ADGRD1: variants seen among roughly 807,000 people sequenced by gnomAD.
The protein encoded by ADGRD1 is G-protein coupled receptor 133.
ADGRD1 carries 77 observed loss-of-function variants against 113.4 expected under a neutral mutation model. The observed-to-expected ratio is 0.68, with a 90% CI of 0.57 to 0.82. The LOEUF (loss-of-function observed/expected upper bound fraction) is 0.82. Ranked by LOEUF, ADGRD1 falls within the 40% of genes least tolerant of loss-of-function variation. The probability of loss-of-function intolerance (pLI) is 0.00; values close to 1 mark genes in which losing one functional copy is unlikely to be tolerated. For synonymous variants in ADGRD1, 474 were observed against 475.0 expected (o/e 1.00, Z 0.03); for missense variants, 1,036 against 1,139.1 (o/e 0.91, Z 1.30).
At chr12:131,078,901 A>G (rs1885853566) in intron 14 of ADGRD1, among the ~76,000 whole-genome samples, 1 of 152,136 alleles carries the variant, frequency 6.6e-6, no homozygotes, top group Admixed American at 6.5e-5. Context: ...AGATGATTGT[A>G]CAGTTCTGTG....
intron 18 of ADGRD1, among the ~76,000 whole-genome samples, chr12:131,115,413 G>A (rs1304877926): frequency 6.6e-6 from 1 of 152,186 alleles, no homozygotes; most frequent in East Asian, 1.9e-4. Flanking sequence ...CCCTGTGCCC[G>A]CGTGTGGGGC....
chr12:130,990,654 T>C (rs1874264626), intron 6 of ADGRD1: 2 of 198,756 alleles, frequency 1.0e-5, no homozygotes, highest in South Asian at 1.6e-4. Context: ...GTAGCACTCC[T>C]CATTTTATCT....
At chr12:131,007,641 C>T (rs1291580754) in intron 12 of ADGRD1, among the ~76,000 whole-genome samples, 1 of 152,248 alleles carries the variant, frequency 6.6e-6, no homozygotes, top group African/African-American at 2.4e-5. Flanking sequence ...GCAGCTAACT[C>T]TGACGTCCCC....
rs1340295577 is a variant in ADGRD1 at position 131,039,182 on chromosome 12, T to C, written c.1473+24842T>C. The stretch of plus-strand genomic sequence containing the variant: ...GACGGTGCGGAGAGTCCTGTGCTCC[T>C]CCAGCCACTGCCCACTGAGCCGGGA... On this transcript the variant is annotated intron_variant, in intron 13 of 24. Transcript: ENST00000261654. 3.5e-5 allele frequency among the ~76,000 whole-genome samples: 4 copies of C among 113,310 alleles called. No homozygotes were observed. In the East Asian group the frequency reaches 7.8e-4, roughly 22 times the overall value. The allele number at this position is 113,310 out of a possible 152,430, so 74.3% of individuals were successfully genotyped here.
At chr12:131,070,789 GA>G in intron 13 of ADGRD1, 1 of 518,840 alleles carries the variant, frequency 1.9e-6, no homozygotes, top group Non-Finnish European at 3.8e-6. Flanking sequence ...TTGGACTGTG[GA>G]GTACATGTGA....
intron 13 of ADGRD1, among the ~76,000 whole-genome samples, chr12:131,058,731 A>G (rs1884079757): frequency 6.6e-6 from 1 of 152,138 alleles, no homozygotes; most frequent in African/African-American, 2.4e-5. Context: ...AATCCACGCT[A>G]TTCTAATTGT....
intron 13 of ADGRD1, among the ~76,000 whole-genome samples, chr12:131,066,768 G>C (rs1303203565): frequency 1.3e-5 from 2 of 152,156 alleles, no homozygotes; most frequent in East Asian, 3.9e-4. Context: ...GGGATCGTGG[G>C]GCATCGGGGG....
intron 16 of ADGRD1, 28 bp from the exon 17 acceptor site, chr12:131,105,726 A>G (rs751433657): frequency 6.4e-7 from 1 of 1,565,780 alleles, no homozygotes; most frequent in African/African-American, 1.3e-5. Context: ...CGCAGGGCCC[A>G]GGCCTCACAC....
chr12:131,067,961 C>T (rs1382087545), intron 13 of ADGRD1, among the ~76,000 whole-genome samples: 10 of 63,716 alleles, frequency 1.6e-4, no homozygotes, highest in East Asian at 5.5e-4. Context: ...CCCTCTGCCT[C>T]CTGTATGTCT....
chr12:131,028,677 C>T (rs957304078), intron 13 of ADGRD1, among the ~76,000 whole-genome samples: 1 of 152,176 alleles, frequency 6.6e-6, no homozygotes, highest in Non-Finnish European at 1.5e-5. Context: ...TTACCCAGCT[C>T]CACGTGTGGG....
At chr12:131,034,150 T>C (rs78487415) in intron 13 of ADGRD1, among the ~76,000 whole-genome samples, 5,057 of 142,354 alleles carry the variant, frequency 0.036, 133 homozygotes, top group Middle Eastern at 0.094. Context: ...GGGCTTCCTC[T>C]GCATTTCAAG....
At chr12:131,002,082 C>T (rs556516499) in intron 9 of ADGRD1, among the ~76,000 whole-genome samples, 53 of 152,354 alleles carry the variant, frequency 3.5e-4, no homozygotes, top group African/African-American at 1.2e-3. Flanking sequence ...GGTTTGACCT[C>T]TTTCATGATT....
chr12:131,005,387 G>A (rs1876956716), intron 11 of ADGRD1, among the ~76,000 whole-genome samples: 1 of 152,198 alleles, frequency 6.6e-6, no homozygotes, highest in African/African-American at 2.4e-5. Context: ...CCGTGGCCGA[G>A]CCATGGAGTG....
At chr12:131,000,360 A>C (rs762810889) in intron 8 of ADGRD1, 23 bp from the exon 9 acceptor site, 2 of 1,600,528 alleles carry the variant, frequency 1.2e-6, no homozygotes, top group Admixed American at 3.3e-5. Context: ...GGTGCTGAGC[A>C]GTGTCATTTT....
chr12:131,092,257 T>G (rs1286392544), intron 15 of ADGRD1, among the ~76,000 whole-genome samples: 2 of 152,134 alleles, frequency 1.3e-5, no homozygotes, highest in African/African-American at 4.8e-5. Context: ...ACTCAGCGTT[T>G]CTTGCTGAAG....
chr12:131,131,580 A>G, intron 20 of ADGRD1, 145 bp from the exon 21 acceptor site: 3 of 616,960 alleles, frequency 4.9e-6, no homozygotes, highest in Non-Finnish European at 8.7e-6. Flanking sequence ...GAACAGGGTG[A>G]GATTTGTCCC....
At chr12:130,997,009 G>A (rs1875547673) in intron 8 of ADGRD1, among the ~76,000 whole-genome samples, 1 of 133,498 alleles carries the variant, frequency 7.5e-6, no homozygotes, top group South Asian at 2.5e-4. Context: ...CAGGCGGGGG[G>A]CTGACCCCCC....
intron 5 of ADGRD1, chr12:130,986,871 C>CAAGGAGTCTCCT (rs1873753930): frequency 7.4e-6 from 4 of 542,298 alleles, no homozygotes; most frequent in Non-Finnish European, 1.3e-5. Flanking sequence ...TCTCCTTGAA[C>CAAGGAGTCTCCT]TGCTTCTGGA....
intron 13 of ADGRD1, among the ~76,000 whole-genome samples, chr12:131,062,519 G>C (rs536990344): frequency 6.6e-4 from 100 of 152,238 alleles, no homozygotes; most frequent in Middle Eastern, 3.4e-3. Flanking sequence ...CATATCAAAG[G>C]GGGGGCCAGA....
Sources: allele counts gnomAD v4.1 joint callset (sites outside exome capture counted in the v4.1 genomes callset), GRCh38; gene constraint gnomAD v4.1.1; transcripts MANE v1.5; gene names NCBI Gene and HGNC (gene_info 2026-07-23, HGNC 2026-07-21).